OPCML: variants seen among roughly 807,000 people sequenced by gnomAD.
OPCML encodes opioid binding protein/cell adhesion molecule like, also known as opioid-binding protein/cell adhesion molecule.
Under a neutral mutation model 37.8 loss-of-function variants are expected in OPCML, and 13 were observed. The ratio of observed to expected loss-of-function variants is 0.34; its 90% CI spans 0.22 to 0.55. The LOEUF (loss-of-function observed/expected upper bound fraction) is 0.55, where lower values mean the gene tolerates loss of function less well. OPCML is among the 20% of genes least tolerant of loss of function. OPCML has a pLI of 0.91. For missense variants in OPCML, 341 were observed against 435.6 expected (o/e 0.78, Z 1.93); for synonymous variants, 176 against 168.8 (o/e 1.04, Z -0.33).
At chr11:132,486,410 G>GC (rs1169344063) in intron 4 of OPCML, among the ~76,000 whole-genome samples, 5 of 152,016 alleles carry the variant, frequency 3.3e-5, no homozygotes, top group South Asian at 4.2e-4. Context: ...TTTCTTCATT[G>GC]TTAAAAAAAA....
At chr11:132,947,162 A>G (rs1945761756) in intron 1 of OPCML, among the ~76,000 whole-genome samples, 1 of 152,212 alleles carries the variant, frequency 6.6e-6, no homozygotes, top group Admixed American at 6.5e-5. Context: ...AAATCAACTC[A>G]TAAAAGATTG....
chr11:132,784,667 A>G (rs78416142), intron 2 of OPCML, among the ~76,000 whole-genome samples: 3,660 of 152,192 alleles, frequency 0.024, 59 homozygotes, highest in Middle Eastern at 0.099. Context: ...GGTCATGGGA[A>G]CAGATCCCTC....
At chr11:133,515,136 G>A (rs1287145961) in intron 1 of OPCML, among the ~76,000 whole-genome samples, 2 of 152,186 alleles carry the variant, frequency 1.3e-5, no homozygotes, top group African/African-American at 4.8e-5. Context: ...AAACAGATAA[G>A]CTGAGAACCA....
intron 2 of OPCML, among the ~76,000 whole-genome samples, chr11:132,705,998 G>A (rs1369595124): frequency 1.3e-5 from 2 of 151,970 alleles, no homozygotes; most frequent in Non-Finnish European, 2.9e-5. Context: ...AGTAAAGACG[G>A]GGTTTCACCA....
At chr11:133,341,945 T>G (rs2136672383) in intron 1 of OPCML, among the ~76,000 whole-genome samples, 1 of 152,086 alleles carries the variant, frequency 6.6e-6, no homozygotes, top group Non-Finnish European at 1.5e-5. Context: ...TTTGCAGCAT[T>G]ACTCCTGTGA....
intron 1 of OPCML, among the ~76,000 whole-genome samples, chr11:133,296,888 G>A (rs181687166): frequency 3.3e-4 from 50 of 152,234 alleles, no homozygotes; most frequent in Admixed American, 2.6e-4. Flanking sequence ...ATAATTTGAC[G>A]TACAGAGGTA....
In OPCML at chr11:133,039,597, A is replaced by T. The variant is rs116584875; in HGVS notation, c.62-96587T>A. Among the ~76,000 whole-genome samples the T allele has an allele frequency of 9.4e-3, 1,425 of 152,298 alleles. 23 individuals carry two copies. The highest frequency in any genetic ancestry group is 0.032 in the African/African-American group (1,344 of 41,564). ...TTGCATTCCCAGTGTCTGGGTGGGCATTACAAGAAGCTCCCCAGATGCCAG... is the reference window on the plus strand; with the variant it reads ...TTGCATTCCCAGTGTCTGGGTGGGCTTTACAAGAAGCTCCCCAGATGCCAG... On this transcript the variant is annotated intron_variant, in intron 1 of 7. Coordinates refer to ENST00000524381, the MANE Select transcript of OPCML (RefSeq NM_001012393.5).
chr11:133,256,907 A>G (rs192297234), intron 1 of OPCML, among the ~76,000 whole-genome samples: 1 of 152,346 alleles, frequency 6.6e-6, no homozygotes, highest in African/African-American at 2.4e-5. Context: ...TAACTGAACC[A>G]TGTGAGTTCT....
At chr11:133,034,941 T>C (rs1371044795) in intron 1 of OPCML, among the ~76,000 whole-genome samples, 1 of 152,148 alleles carries the variant, frequency 6.6e-6, no homozygotes, top group African/African-American at 2.4e-5. Flanking sequence ...CCTGGCATGA[T>C]GCAATGGGAG....
chr11:133,008,345 G>C (rs1947152132), intron 1 of OPCML: 2 of 985,300 alleles, frequency 2.0e-6, no homozygotes, highest in African/African-American at 3.5e-5. Context: ...AAAGAGACCT[G>C]AAAGGAATAT....
intron 1 of OPCML, among the ~76,000 whole-genome samples, chr11:133,372,232 A>G (rs946080465): frequency 6.6e-6 from 1 of 152,252 alleles, no homozygotes; most frequent in Non-Finnish European, 1.5e-5. Context: ...TGGTCACCCT[A>G]CATACCCTGA....
intron 4 of OPCML, among the ~76,000 whole-genome samples, chr11:132,519,504 G>C (rs964670051): frequency 6.6e-6 from 1 of 152,006 alleles, no homozygotes; most frequent in Admixed American, 6.6e-5. Context: ...AGCATAAATG[G>C]GATTAGTTTT....
At chr11:132,899,010 T>C (rs956090001) in intron 2 of OPCML, among the ~76,000 whole-genome samples, 2 of 152,116 alleles carry the variant, frequency 1.3e-5, no homozygotes, top group Admixed American at 6.6e-5. Context: ...AGGGTGTCTC[T>C]TAGTATTACC....
intron 1 of OPCML, among the ~76,000 whole-genome samples, chr11:133,394,501 T>C (rs1223120550): frequency 6.6e-6 from 1 of 152,218 alleles, no homozygotes; most frequent in Non-Finnish European, 1.5e-5. Flanking sequence ...ATAGGTCTTA[T>C]TCATTCTTTC....
intron 3 of OPCML, among the ~76,000 whole-genome samples, chr11:132,628,077 C>A (rs1939854916): frequency 6.6e-6 from 1 of 151,998 alleles, no homozygotes; most frequent in Non-Finnish European, 1.5e-5. Context: ...TAAGAAAAAG[C>A]AGTGTTTAAA....
chr11:132,914,759 C>T (rs1268629990), intron 2 of OPCML, among the ~76,000 whole-genome samples: 2 of 152,166 alleles, frequency 1.3e-5, no homozygotes, highest in Admixed American at 1.3e-4. Flanking sequence ...GGATGGGGAT[C>T]CTCCAGGCAG....
In OPCML at chr11:133,335,356, C is replaced by T. The variant is rs1368366482; in HGVS notation, c.61+196908G>A. On this transcript the variant is annotated intron_variant, in intron 1 of 7. Coordinates refer to ENST00000524381, the MANE Select transcript of OPCML (RefSeq NM_001012393.5). ...ATCCAGTTCTCATTTCAACACATGT[C>T]AGCACTTCGTACCTGACAAGTGGCC... is the stretch of plus-strand genomic sequence containing the variant. Among the ~76,000 whole-genome samples, 4 of 152,266 alleles carry T rather than the reference C, an allele frequency of 2.6e-5. No individual in the cohort carries two copies. In the East Asian group the frequency reaches 7.7e-4, roughly 29 times the overall value.
At chr11:133,041,556 G>A (rs1019186558) in intron 1 of OPCML, among the ~76,000 whole-genome samples, 23 of 152,146 alleles carry the variant, frequency 1.5e-4, no homozygotes, top group African/African-American at 4.3e-4. Flanking sequence ...CTGTATCTTC[G>A]AGTATCCTAG....
chr11:132,501,718 T>C (rs577130995), intron 4 of OPCML, among the ~76,000 whole-genome samples: 117 of 152,288 alleles, frequency 7.7e-4, no homozygotes, highest in South Asian at 3.9e-3. Context: ...TCCATCAACA[T>C]AGAATTTTTT....
Sources: gnomAD v4.1 joint callset for allele counts (sites outside exome capture counted in the v4.1 genomes callset) on GRCh38, gnomAD v4.1.1 for gene constraint, MANE v1.5 for transcripts, NCBI Gene and HGNC (gene_info 2026-07-23, HGNC 2026-07-21) for gene names.